THSD7A: variants seen among roughly 807,000 people sequenced by gnomAD.
THSD7A encodes the protein thrombospondin type-1 domain-containing protein 7A.
In THSD7A, 96 loss-of-function variants were observed where a neutral mutation model predicts 231.3. The ratio of observed to expected loss-of-function variants is 0.41; its 90% CI spans 0.35 to 0.49. The LOEUF (loss-of-function observed/expected upper bound fraction) is 0.49. Ranked by LOEUF, THSD7A falls within the 20% of genes least tolerant of loss-of-function variation. The probability of loss-of-function intolerance (pLI) is 0.05; values close to 1 mark genes in which losing one functional copy is unlikely to be tolerated. For missense variants in THSD7A, 2,290 were observed against 2,070.2 expected, an observed-to-expected ratio of 1.11 and a Z score of -2.06; for synonymous variants, 940 against 743.3, an observed-to-expected ratio of 1.26 and a Z score of -4.30.
At chr7:11,662,655 G>T (rs1357874316) in intron 1 of THSD7A, among the ~76,000 whole-genome samples, 2 of 151,308 alleles carry the variant, frequency 1.3e-5, no homozygotes, top group Non-Finnish European at 3.0e-5. Flanking sequence ...ACCAAGATTG[G>T]TCATCTGCTG....
intron 1 of THSD7A, among the ~76,000 whole-genome samples, chr7:11,826,838 A>G (rs924632573): frequency 6.6e-6 from 1 of 150,696 alleles, no homozygotes; most frequent in Non-Finnish European, 1.5e-5. Flanking sequence ...AAAAAATGCA[A>G]ATGCCATTAA....
At chr7:11,523,315 C>G (rs1278060212) in intron 6 of THSD7A, among the ~76,000 whole-genome samples, 1 of 152,002 alleles carries the variant, frequency 6.6e-6, no homozygotes, top group East Asian at 1.9e-4. Context: ...ATGAGAGACA[C>G]AGGCACTAGA....
intron 1 of THSD7A, among the ~76,000 whole-genome samples, chr7:11,652,959 A>C (rs1308654179): frequency 2.0e-5 from 3 of 151,982 alleles, no homozygotes; most frequent in Non-Finnish European, 4.4e-5. Context: ...GCAAATGTTT[A>C]ATTTCCAAAA....
chr7:11,651,487 C>CTATA (rs1228089016), intron 1 of THSD7A, among the ~76,000 whole-genome samples: 22 of 3,352 alleles, frequency 6.6e-3, no homozygotes, highest in Admixed American at 0.017. Context: ...TATCTATCAA[C>CTATA]TATCTATCTA....
chr7:11,572,309 A>G (rs1476527358), intron 4 of THSD7A, among the ~76,000 whole-genome samples: 1 of 152,154 alleles, frequency 6.6e-6, no homozygotes, highest in Admixed American at 6.5e-5. Context: ...CTCAGATCCA[A>G]TAATTTCTAT....
chr7:11,693,764 GCATGCAGCAGGTGCATGTACCATGA>G (rs897995487), intron 1 of THSD7A, among the ~76,000 whole-genome samples: 2 of 151,478 alleles, frequency 1.3e-5, no homozygotes, highest in Non-Finnish European at 3.0e-5. Context: ...ACAGGACCTG[GCATGCAGCAGGTGCATGTACCATGA>G]CATATGGTAG....
intron 1 of THSD7A, among the ~76,000 whole-genome samples, chr7:11,818,610 C>T (rs1472098784): frequency 6.6e-6 from 1 of 152,106 alleles, no homozygotes; most frequent in Non-Finnish European, 1.5e-5. Context: ...CACTTTTTCC[C>T]AGACAATGGC....
chr7:11,415,129 A>G (rs1483921201), intron 17 of THSD7A, among the ~76,000 whole-genome samples: 2 of 152,238 alleles, frequency 1.3e-5, no homozygotes, highest in Admixed American at 6.5e-5. Flanking sequence ...TGAGTTTCAA[A>G]TGTGGCCAAT....
chr7:11,386,477 G>C (rs1009421106), intron 23 of THSD7A, among the ~76,000 whole-genome samples: 1 of 152,160 alleles, frequency 6.6e-6, no homozygotes, highest in Non-Finnish European at 1.5e-5. Flanking sequence ...GTGATGATGA[G>C]CTTTTCTTCA....
intron 6 of THSD7A, among the ~76,000 whole-genome samples, chr7:11,525,210 C>G (rs1379101009): frequency 6.6e-6 from 1 of 152,156 alleles, no homozygotes; most frequent in Non-Finnish European, 1.5e-5. Context: ...TCATTTTCCC[C>G]TAACTGCAAT....
At chr7:11,595,601 T>C (rs1395252073) in intron 2 of THSD7A, among the ~76,000 whole-genome samples, 3 of 152,174 alleles carry the variant, frequency 2.0e-5, no homozygotes, top group Non-Finnish European at 2.9e-5. Flanking sequence ...GATGGTGAAG[T>C]GGATTAGTCA....
At chr7:11,752,070 C>T (rs1782521501) in intron 1 of THSD7A, among the ~76,000 whole-genome samples, 2 of 152,096 alleles carry the variant, frequency 1.3e-5, no homozygotes, top group African/African-American at 4.8e-5. Context: ...ATTGAGAGAG[C>T]TTGTTTAAAC....
intron 13 of THSD7A, among the ~76,000 whole-genome samples, chr7:11,443,127 A>C (rs977321249): frequency 6.6e-6 from 1 of 152,130 alleles, no homozygotes; most frequent in Non-Finnish European, 1.5e-5. Flanking sequence ...GCTCTCATGC[A>C]TCTAATTAAC....
At chr7:11,782,569 A>G (rs1246100334) in intron 1 of THSD7A, among the ~76,000 whole-genome samples, 1 of 152,154 alleles carries the variant, frequency 6.6e-6, no homozygotes, top group Non-Finnish European at 1.5e-5. Context: ...GTTTCATGGT[A>G]TCTTTCAAAG....
At chr7:11,569,411 A>C (rs1367587032) in intron 4 of THSD7A, among the ~76,000 whole-genome samples, 1 of 152,226 alleles carries the variant, frequency 6.6e-6, no homozygotes, top group African/African-American at 2.4e-5. Flanking sequence ...AATGGCCAAC[A>C]GATACATGAA....
In THSD7A at chr7:11,390,865, CTGCTGGAGTTT is replaced by C. The variant is rs1782954043; in HGVS notation, c.4412-8260_4412-8250del. On this transcript the variant is annotated intron_variant, in intron 23 of 27. Coordinates refer to ENST00000423059, the MANE Select transcript of THSD7A (RefSeq NM_015204.3). ...ACAATCAGAACCCTCTGCTGCAGGT[CTGCTGGAGTTT>C]TCTGGAGGTCCACTCCAGACCCTAT... Among the ~76,000 whole-genome samples, 4 of 152,320 alleles carry C rather than the reference CTGCTGGAGTTT, an allele frequency of 2.6e-5. No homozygotes were observed. The South Asian group carries it at 8.3e-4, about 32-fold the overall frequency.
At position 11,831,864 on chromosome 7, in the gene THSD7A, AGCG is replaced by A; in HGVS notation, c.80_82del (p.Pro27del). On this transcript the variant is annotated inframe_deletion, in exon 1 of 28. Coordinates refer to ENST00000423059, the MANE Select transcript of THSD7A (RefSeq NM_015204.3). The surrounding 1 kb of genome is among the most constrained non-coding windows in gnomAD (Gnocchi z 5.0). ...CAGGAGCAGCGGCAGCGGCAGCGGC[AGCG>A]GCAGCAGCTGCAGGACGCCCCGGCG... 7.9e-7 allele frequency: 1 copy of A among 1,273,754 alleles called. No homozygotes were observed. Among genetic ancestry groups the A allele is most frequent in the Non-Finnish European group, 9.9e-7 (1 of 1,005,322 alleles). The allele number at this position is 1,273,754 out of a possible 1,614,324, so 78.9% of individuals were successfully genotyped here. A position where few individuals can be genotyped will look rare whatever the true frequency, so the allele number is the denominator to read the frequency against.
At chr7:11,756,789 C>A (rs2128166644) in intron 1 of THSD7A, among the ~76,000 whole-genome samples, 1 of 151,982 alleles carries the variant, frequency 6.6e-6, no homozygotes, top group South Asian at 2.1e-4. Context: ...AAAGGAAAGG[C>A]AATAATCAAA....
intron 4 of THSD7A, among the ~76,000 whole-genome samples, chr7:11,583,748 TAG>T (rs1056543836): frequency 1.1e-4 from 17 of 152,208 alleles, no homozygotes; most frequent in African/African-American, 3.9e-4. Context: ...TATTTTTATC[TAG>T]AGAGTTTTTG....
Sources: allele counts gnomAD v4.1 joint callset (sites outside exome capture counted in the v4.1 genomes callset), GRCh38; gene constraint gnomAD v4.1.1; non-coding constraint Gnocchi (gnomAD v3.1); transcripts MANE v1.5; gene names NCBI Gene and HGNC (gene_info 2026-07-23, HGNC 2026-07-21).